The following C1orf94 variants were observed in gnomAD, a reference collection of about 807,000 sequenced individuals.
The protein encoded by C1orf94 is uncharacterized protein C1orf94.
A neutral mutation model predicts 53.6 loss-of-function variants in C1orf94; 45 were observed. The observed-to-expected ratio is 0.84, with a 90% CI of 0.66 to 1.08. The LOEUF (loss-of-function observed/expected upper bound fraction) is 1.08. C1orf94 is among the 50% of genes least tolerant of loss of function. The probability of loss-of-function intolerance (pLI) is 0.00; values close to 1 mark genes in which losing one functional copy is unlikely to be tolerated. For synonymous variants in C1orf94, 304 were observed against 296.1 expected (o/e 1.03, Z -0.27); for missense variants, 762 against 738.9 (o/e 1.03, Z -0.36).
chr1:34,216,081 A>G (rs549427314), intron 6 of C1orf94, among the ~76,000 whole-genome samples: 2 of 152,314 alleles, frequency 1.3e-5, no homozygotes, highest in African/African-American at 4.8e-5. Flanking sequence ...CACAGCAAGG[A>G]TCTGTTTACC....
chr1:34,212,541 G>A, intron 6 of C1orf94, 135 bp downstream of exon 6: 2 of 922,090 alleles, frequency 2.2e-6, no homozygotes, highest in Non-Finnish European at 3.2e-6. Flanking sequence ...CTGTACCTGT[G>A]GCTGGTGGTT....
intron 2 of C1orf94, among the ~76,000 whole-genome samples, chr1:34,199,405 G>C (rs576109912): frequency 6.6e-6 from 1 of 152,218 alleles, no homozygotes; most frequent in Non-Finnish European, 1.5e-5. Flanking sequence ...CTCTAGGGAT[G>C]TTTTGCTAAA....
At position 34,218,807 on chromosome 1, in the gene C1orf94, AG is replaced by A; in HGVS notation, c.*50del. On this transcript the variant is annotated 3_prime_UTR_variant, in exon 7 of 7. Transcript: ENST00000488417. The stretch of plus-strand genomic sequence containing the variant: ...CTCCCTTAGCCCTTGGATCAGGACT[AG>A]GGGCTCTGATTTTTGGATTCTGCAA... 6.7e-7 allele frequency: 1 copy of A among 1,502,006 alleles called. No homozygotes were observed. Among genetic ancestry groups the A allele is most frequent in the Non-Finnish European group, 9.1e-7 (1 of 1,104,628 alleles). The allele number at this position is 1,502,006 out of a possible 1,614,324, so 93.0% of individuals were successfully genotyped here.
intron 1 of C1orf94, among the ~76,000 whole-genome samples, chr1:34,192,368 C>T (rs1178409954): frequency 6.6e-6 from 1 of 152,042 alleles, no homozygotes; most frequent in Admixed American, 6.6e-5. Context: ...ATGGTTAGTG[C>T]CATCTGATCG....
intron 1 of C1orf94, among the ~76,000 whole-genome samples, chr1:34,192,752 C>G (rs2148615937): frequency 6.6e-6 from 1 of 152,202 alleles, no homozygotes; most frequent in Middle Eastern, 3.4e-3. Context: ...GACACTGGAA[C>G]CGAGGCCTGA....
At position 34,207,213 on chromosome 1, in the gene C1orf94, G is replaced by A. The variant is rs142834924; in HGVS notation, c.1447-944G>A. On this transcript the variant is annotated intron_variant, in intron 4 of 6. Coordinates refer to ENST00000488417, the MANE Select transcript of C1orf94 (RefSeq NM_001134734.2). ...GAAAACTCGGGATTGACAGGTGGAGGCAGAGTCTGAGACTAGAACTGACCA... is the reference window on the plus strand; with the variant it reads ...GAAAACTCGGGATTGACAGGTGGAGACAGAGTCTGAGACTAGAACTGACCA... Among the ~76,000 whole-genome samples the A allele has an allele frequency of 7.9e-3, 1,201 of 152,018 alleles. 21 individuals carry two copies. The highest frequency in any genetic ancestry group is 0.027 in the African/African-American group (1,126 of 41,374).
In C1orf94 at chr1:34,197,915, T is replaced by A; in HGVS notation, c.1009+2T>A. On this transcript the variant is annotated splice_donor_variant, in intron 2 of 6. Transcript: ENST00000488417. LOFTEE classifies it high-confidence loss of function. The surrounding 1 kb of genome is among the most constrained non-coding windows in gnomAD (Gnocchi z 4.1). The stretch of plus-strand genomic sequence containing the variant: ...CTGTGGAGAGGCACCACTTGATGGG[T>A]GAGTGGGGTTGGAACTGGGGTAGAG... 1 of 1,610,080 alleles carries A rather than the reference T, an allele frequency of 6.2e-7. No individual in the cohort carries two copies. Among genetic ancestry groups the A allele is most frequent in the Non-Finnish European group, 8.5e-7 (1 of 1,177,704 alleles).
chr1:34,216,188 G>A (rs896999473), intron 6 of C1orf94, among the ~76,000 whole-genome samples: 2 of 152,152 alleles, frequency 1.3e-5, no homozygotes, highest in Admixed American at 1.3e-4. Flanking sequence ...GGAACTCAGG[G>A]GAGAGGTTGG....
intron 1 of C1orf94, among the ~76,000 whole-genome samples, chr1:34,169,945 AG>A (rs1642120516): frequency 6.6e-6 from 1 of 152,250 alleles, no homozygotes; most frequent in African/African-American, 2.4e-5. Flanking sequence ...AGAAGTGAGA[AG>A]GGGCCCACAG....
At position 34,201,022 on chromosome 1, in the gene C1orf94, G is replaced by A. The variant is rs114203973; in HGVS notation, c.1260G>A (p.Pro420=). The A allele has an allele frequency of 2.1e-4, 329 of 1,592,142 alleles. No individual in the cohort carries two copies. The highest frequency in any genetic ancestry group is 2.0e-3 in the Middle Eastern group (12 of 6,036). ...RLRNKVEVDG[P]ELKFNAPVTV... The stretch of plus-strand genomic sequence containing the variant: ...GAAACAAAGTGGAAGTGGATGGGCC[G>A]GAGCTGAAATGTGAGCTGACCTACC... Residue 420 remains proline (P), a synonymous_variant, in exon 3 of 7, where the codon CCG becomes CCA. Transcript: ENST00000488417.
intron 2 of C1orf94, among the ~76,000 whole-genome samples, chr1:34,199,523 G>T (rs12132617): frequency 6.6e-6 from 1 of 152,132 alleles, no homozygotes; most frequent in Non-Finnish European, 1.5e-5. Flanking sequence ...AAGCCGCTGG[G>T]CTAGGGGGCC....
At chr1:34,196,423 A>C (rs902462125) in intron 1 of C1orf94, among the ~76,000 whole-genome samples, 6 of 152,134 alleles carry the variant, frequency 3.9e-5, no homozygotes, top group Non-Finnish European at 7.4e-5. Flanking sequence ...CTGGTGCTGT[A>C]CATGAAGGGA....
At chr1:34,214,169 G>C (rs563645347) in intron 6 of C1orf94, among the ~76,000 whole-genome samples, 2 of 152,324 alleles carry the variant, frequency 1.3e-5, no homozygotes, top group Non-Finnish European at 2.9e-5. Context: ...CCTGCAGCGG[G>C]GGAGGTTCCA....
At chr1:34,180,335 CTTTTTAT>C (rs1447104887) in intron 1 of C1orf94, among the ~76,000 whole-genome samples, 1 of 152,124 alleles carries the variant, frequency 6.6e-6, no homozygotes, top group African/African-American at 2.4e-5. Context: ...TCTCTTTTTA[CTTTTTAT>C]TATGCAAATT....
upstream of C1orf94, among the ~76,000 whole-genome samples, chr1:34,175,271 G>A (rs902610374): frequency 3.3e-5 from 5 of 151,424 alleles, no homozygotes; most frequent in Admixed American, 1.3e-4. Flanking sequence ...GAGGGAACAG[G>A]AAGAGTGAGT....
intron 1 of C1orf94, among the ~76,000 whole-genome samples, chr1:34,168,285 T>G (rs1340314866): frequency 1.3e-5 from 2 of 151,476 alleles, no homozygotes; most frequent in African/African-American, 2.4e-5. Flanking sequence ...GTCTATGAAT[T>G]AATTAATTAA....
intron 3 of C1orf94, 68 bp downstream of exon 3, chr1:34,201,100 TG>T: frequency 6.6e-7 from 1 of 1,524,958 alleles, no homozygotes; most frequent in Non-Finnish European, 8.8e-7. Context: ...GGCTTCAGGG[TG>T]GCTCTGTCAC....
chr1:34,197,313 G>A lies in C1orf94; in HGVS notation c.409G>A (p.Val137Ile), dbSNP rs192810198. ...CCTCACCAAAGAGCACTCGATCCTG[G>A]TCGAAGAGAGTTCTGGGGAGCTGGA... ...LSLTKEHSILVEESSGELEVP... is the reference protein window; with the variant it reads ...LSLTKEHSILIEESSGELEVP... The change falls in exon 2 of 7, where the codon GTC becomes ATC. Residue 137 changes from valine to isoleucine, a missense_variant. Coordinates refer to ENST00000488417, the MANE Select transcript of C1orf94 (RefSeq NM_001134734.2). This position sits in a 1 kb window ranked among gnomAD's most constrained non-coding sequence, Gnocchi z 4.1. The A allele has an allele frequency of 3.9e-4, 615 of 1,563,442 alleles. 1 individual carries two copies. In the African/African-American group the frequency reaches 4.3e-3, roughly 11 times the overall value.
intron 1 of C1orf94, among the ~76,000 whole-genome samples, chr1:34,167,591 C>CCA (rs1248314615): frequency 6.6e-6 from 1 of 151,416 alleles, no homozygotes; most frequent in African/African-American, 2.4e-5. Context: ...CTATTTGGGT[C>CCA]CACGTGCTTT....
Sources: gnomAD v4.1 joint callset for allele counts (sites outside exome capture counted in the v4.1 genomes callset) on GRCh38, gnomAD v4.1.1 for gene constraint, Gnocchi (gnomAD v3.1) non-coding constraint, MANE v1.5 for transcripts, NCBI Gene and HGNC (gene_info 2026-07-23, HGNC 2026-07-21) for gene names.